SGCZ: variants seen among roughly 807,000 people sequenced by gnomAD.
SGCZ encodes zeta-sarcoglycan.
In SGCZ, 40 loss-of-function variants were observed where a neutral mutation model predicts 41.3. The ratio of observed to expected loss-of-function variants is 0.97; its 90% CI spans 0.75 to 1.26. The LOEUF (loss-of-function observed/expected upper bound fraction) is 1.26, where lower values mean the gene tolerates loss of function less well. SGCZ is among the 50% of genes most tolerant of loss of function. The pLI, the probability that SGCZ is intolerant of heterozygous loss-of-function variation, is 0.00. For missense variants in SGCZ, 552 were observed against 369.8 expected (o/e 1.49, Z -4.04); for synonymous variants, 206 against 137.5 (o/e 1.50, Z -3.49).
chr8:14,132,710 T>C (rs898945324), intron 5 of SGCZ, among the ~76,000 whole-genome samples: 3 of 152,192 alleles, frequency 2.0e-5, no homozygotes, highest in African/African-American at 4.8e-5. Context: ...TTGTTCCTTT[T>C]AGTAGCCTTT....
intron 2 of SGCZ, among the ~76,000 whole-genome samples, chr8:14,502,757 G>T (rs1323546743): frequency 6.6e-6 from 1 of 152,118 alleles, no homozygotes; most frequent in African/African-American, 2.4e-5. Context: ...GAGATACCAT[G>T]TCACGCCAGT....
intron 7 of SGCZ, among the ~76,000 whole-genome samples, chr8:14,100,015 CTAAGGA>C (rs1183044815): frequency 6.6e-6 from 1 of 152,054 alleles, no homozygotes; most frequent in Admixed American, 6.6e-5. Context: ...TAAAAACTAT[CTAAGGA>C]TAAGGACTTT....
chr8:14,797,416 G>C (rs558297457), intron 1 of SGCZ, among the ~76,000 whole-genome samples: 4 of 152,266 alleles, frequency 2.6e-5, no homozygotes, highest in Non-Finnish European at 4.4e-5. Flanking sequence ...AAAGAGACTG[G>C]AGGCATTTTG....
At chr8:14,829,489 T>G (rs558192680) in intron 1 of SGCZ, among the ~76,000 whole-genome samples, 52 of 152,330 alleles carry the variant, frequency 3.4e-4, no homozygotes, top group African/African-American at 1.3e-3. Flanking sequence ...TAAGTAGAAT[T>G]GAACATCAAT....
At chr8:14,926,081 T>A (rs2130798150) in intron 1 of SGCZ, among the ~76,000 whole-genome samples, 1 of 152,344 alleles carries the variant, frequency 6.6e-6, no homozygotes, top group East Asian at 1.9e-4. Flanking sequence ...AAATCAGGAT[T>A]AATGTATAGG....
intron 1 of SGCZ, among the ~76,000 whole-genome samples, chr8:15,175,895 C>G (rs1380388905): frequency 6.6e-6 from 1 of 152,014 alleles, no homozygotes; most frequent in South Asian, 2.1e-4. Flanking sequence ...ATGTTAGGAA[C>G]AGAAAGCAGT....
At chr8:15,086,900 A>G (rs936970515) in intron 1 of SGCZ, among the ~76,000 whole-genome samples, 19 of 152,152 alleles carry the variant, frequency 1.2e-4, no homozygotes, top group African/African-American at 4.6e-4. Flanking sequence ...TACCTTGTAC[A>G]TTTCACATAT....
chr8:14,455,022 C>T (rs1170338176), intron 2 of SGCZ, among the ~76,000 whole-genome samples: 1 of 152,056 alleles, frequency 6.6e-6, no homozygotes, highest in Non-Finnish European at 1.5e-5. Context: ...AGAAGATTAA[C>T]ACATCTGACT....
intron 1 of SGCZ, among the ~76,000 whole-genome samples, chr8:14,790,508 T>C (rs974629328): frequency 3.3e-5 from 5 of 152,104 alleles, no homozygotes; most frequent in African/African-American, 4.8e-5. Context: ...GGTTGGAAAA[T>C]AGTCCAAAAC....
intron 6 of SGCZ, among the ~76,000 whole-genome samples, chr8:14,107,163 TCGAGATA>T (rs1391220652): frequency 6.6e-6 from 1 of 151,246 alleles, no homozygotes; most frequent in African/African-American, 2.4e-5. Flanking sequence ...TTGAGGTGAG[TCGAGATA>T]GCACCGCTGC....
At chr8:14,501,361 TCA>T (rs1313627634) in intron 2 of SGCZ, among the ~76,000 whole-genome samples, 1 of 151,996 alleles carries the variant, frequency 6.6e-6, no homozygotes, top group Non-Finnish European at 1.5e-5. Flanking sequence ...CCTAACATAG[TCA>T]CAGTTTCTGG....
chr8:14,311,225 G>C (rs1801531224), intron 3 of SGCZ, among the ~76,000 whole-genome samples: 1 of 151,960 alleles, frequency 6.6e-6, no homozygotes, highest in South Asian at 2.1e-4. Flanking sequence ...TTAAAATATT[G>C]TCACTAGTAA....
chr8:14,566,526 T>C (rs1452861493), intron 1 of SGCZ, among the ~76,000 whole-genome samples: 1 of 152,234 alleles, frequency 6.6e-6, no homozygotes, highest in Non-Finnish European at 1.5e-5. Context: ...TTACTCATCA[T>C]TACTTACAAC....
chr8:14,993,305 T>C (rs776986623), intron 1 of SGCZ, among the ~76,000 whole-genome samples: 1 of 152,176 alleles, frequency 6.6e-6, no homozygotes, highest in East Asian at 1.9e-4. Context: ...TATCTGCTCA[T>C]ATATTCAACA....
chr8:15,113,584 G>C (rs1001134082), intron 1 of SGCZ, among the ~76,000 whole-genome samples: 10 of 152,120 alleles, frequency 6.6e-5, no homozygotes, highest in African/African-American at 2.4e-4. Context: ...AAATCATCCA[G>C]AGCATGTCTC....
intron 1 of SGCZ, among the ~76,000 whole-genome samples, chr8:15,211,755 T>C (rs1391773260): frequency 6.6e-6 from 1 of 152,170 alleles, no homozygotes; most frequent in African/African-American, 2.4e-5. Flanking sequence ...TCTCCCCTTC[T>C]AATAACTACT....
intron 1 of SGCZ, among the ~76,000 whole-genome samples, chr8:15,168,817 C>G (rs1226900680): frequency 6.6e-6 from 1 of 152,190 alleles, no homozygotes; most frequent in Non-Finnish European, 1.5e-5. Context: ...CAGATGCATC[C>G]TCCAAACTGG....
chr8:14,505,756 C>T (rs552281367), intron 2 of SGCZ, among the ~76,000 whole-genome samples: 30 of 152,188 alleles, frequency 2.0e-4, no homozygotes, highest in African/African-American at 7.2e-4. Context: ...TATTTCCAGA[C>T]AATCATACTA....
intron 3 of SGCZ, among the ~76,000 whole-genome samples, chr8:14,240,668 G>A (rs1264741270): frequency 6.6e-6 from 1 of 152,132 alleles, no homozygotes; most frequent in Non-Finnish European, 1.5e-5. Context: ...ATTATAATGT[G>A]ATCAAGTGAT....
Sources: gnomAD v4.1 joint callset for allele counts (sites outside exome capture counted in the v4.1 genomes callset) on GRCh38, gnomAD v4.1.1 for gene constraint, MANE v1.5 for transcripts, NCBI Gene and HGNC (gene_info 2026-07-23, HGNC 2026-07-21) for gene names.